Variants in DCAF17 observed in about 807,000 individuals in gnomAD.
DCAF17 encodes DDB1- and CUL4-associated factor 17.
A neutral mutation model predicts 66.0 loss-of-function variants in DCAF17; 48 were observed. The observed-to-expected ratio is 0.73, with a 90% CI of 0.58 to 0.92. The LOEUF (loss-of-function observed/expected upper bound fraction) is 0.92, where lower values mean the gene tolerates loss of function less well. DCAF17 is among the 40% of genes least tolerant of loss of function. The pLI is 0.00. For missense variants in DCAF17, 562 were observed against 622.8 expected (o/e 0.90, Z 1.04); for synonymous variants, 206 against 214.6 (o/e 0.96, Z 0.35).
At chr2:171,475,457 C>T (rs141721824) in intron 10 of DCAF17, among the ~76,000 whole-genome samples, 2 of 152,140 alleles carry the variant, frequency 1.3e-5, no homozygotes, top group Non-Finnish European at 2.9e-5. Flanking sequence ...AGTAGATGCT[C>T]AGTATTTGTT....
chr2:171,455,186 G>A (rs887276628), intron 6 of DCAF17, among the ~76,000 whole-genome samples: 8 of 147,688 alleles, frequency 5.4e-5, no homozygotes, highest in African/African-American at 5.0e-5. Flanking sequence ...TCCCCTCTAT[G>A]TGTCCATGTA....
intron 9 of DCAF17, among the ~76,000 whole-genome samples, chr2:171,470,363 T>C (rs1024355522): frequency 6.6e-6 from 1 of 152,158 alleles, no homozygotes; most frequent in African/African-American, 2.4e-5. Flanking sequence ...CCAGTGGCTT[T>C]TAGAGTCACA....
chr2:171,485,050 CA>C lies in DCAF17; in HGVS notation c.*3938del, dbSNP rs1238992671. On this transcript the variant is annotated 3_prime_UTR_variant, in exon 14 of 14. Transcript: ENST00000375255. Reference sequence around the variant, plus strand: ...TAAAGCTGCTATGAACATTCTTAGACAATTCTTTTGTGAACATGTGTCTTTA... The same window carrying C: ...TAAAGCTGCTATGAACATTCTTAGACATTCTTTTGTGAACATGTGTCTTTA... 1 of 450,426 alleles carries C rather than the reference CA, an allele frequency of 2.2e-6. No homozygotes were observed. Among genetic ancestry groups the C allele is most frequent in the Non-Finnish European group, 4.4e-6 (1 of 226,106 alleles). 27.9% of individuals were successfully genotyped at this position (450,426 alleles called of 1,614,324 possible).
chr2:171,471,905 C>G (rs924343557), intron 9 of DCAF17, among the ~76,000 whole-genome samples: 1 of 151,946 alleles, frequency 6.6e-6, no homozygotes, highest in Non-Finnish European at 1.5e-5. Flanking sequence ...GTCCCAGCTA[C>G]TTGGGAGGCT....
chr2:171,453,166 C>T lies in DCAF17; in HGVS notation c.580C>T (p.Arg194Ter), dbSNP rs1470826074. The T allele has an allele frequency of 2.5e-6, 4 of 1,613,040 alleles. No homozygotes were observed. Among genetic ancestry groups the T allele is most frequent in the Non-Finnish European group, 2.5e-6 (3 of 1,179,522 alleles). ...TGTTTTGCTGTACCTTGCAGTGTTCCGAGTTCTACCTTTTTCACTTGTAGG... is the reference window on the plus strand; with the variant it reads ...TGTTTTGCTGTACCTTGCAGTGTTCTGAGTTCTACCTTTTTCACTTGTAGG... ...QHVLLYLAVF[R>*]VLPFSLVGIL... The change falls in exon 6 of 14, where the codon CGA becomes TGA. Residue 194 changes from arginine to a stop codon, truncating the protein, a stop_gained. Coordinates refer to ENST00000375255, the MANE Select transcript of DCAF17 (RefSeq NM_025000.4). LOFTEE classifies it high-confidence loss of function.
chr2:171,484,642 C>T lies in DCAF17; in HGVS notation c.*3528C>T, dbSNP rs1449613800. 1 of 453,438 alleles carries T rather than the reference C, an allele frequency of 2.2e-6. No homozygotes were observed. The highest frequency in any genetic ancestry group is 2.4e-5 in the Admixed American group (1 of 42,506). The allele number at this position is 453,438 out of a possible 1,614,324, so 28.1% of individuals were successfully genotyped here. A position where few individuals can be genotyped will look rare whatever the true frequency, so the allele number is the denominator to read the frequency against. On this transcript the variant is annotated 3_prime_UTR_variant, in exon 14 of 14. Transcript: ENST00000375255. ...TGTACAAATCTTAAGTATAAATTTA[C>T]TGAGTTCTTGCAGACATATACACCT...
intron 8 of DCAF17, among the ~76,000 whole-genome samples, chr2:171,461,576 A>G (rs889352224): frequency 6.6e-6 from 1 of 152,224 alleles, no homozygotes; most frequent in African/African-American, 2.4e-5. Context: ...TATAATGTAT[A>G]TATTTCTATA....
chr2:171,454,587 A>AC (rs1695140119), intron 6 of DCAF17, among the ~76,000 whole-genome samples: 1 of 151,928 alleles, frequency 6.6e-6, no homozygotes, highest in Admixed American at 6.6e-5. Flanking sequence ...CCTGGCCAGC[A>AC]CTCATTATTT....
In DCAF17 at chr2:171,435,133, A is replaced by G. The variant is rs748899036; in HGVS notation, c.177A>G (p.Ile59Met). 5 of 1,613,644 alleles carry G rather than the reference A, an allele frequency of 3.1e-6. No individual in the cohort carries two copies. The African/African-American group carries it at 6.7e-5, about 22-fold the overall frequency. ...NVWTTHSRSP[I>M]AYERGRIYFD... The stretch of plus-strand genomic sequence containing the variant: ...GGACAACTCATTCCAGGTCACCTAT[A>G]GCCTATGAGAGAGGAAGAATATATT... Residue 59 changes from isoleucine to methionine, a missense_variant, in exon 2 of 14, where the codon ATA becomes ATG. Physicochemically the swap from Ile to Met is conservative, Grantham distance 10. Around this residue, in one of 3 missense-constraint regions of DCAF17, gnomAD observed 348 missense variants for 355.9 expected, o/e 0.98. Transcript: ENST00000375255.
intron 6 of DCAF17, among the ~76,000 whole-genome samples, chr2:171,457,099 G>C (rs1356031453): frequency 6.6e-6 from 1 of 152,124 alleles, no homozygotes; most frequent in Non-Finnish European, 1.5e-5. Flanking sequence ...TTCAAAGTGG[G>C]AAACTAGGAT....
At chr2:171,473,123 C>T (rs1423482974) in intron 9 of DCAF17, among the ~76,000 whole-genome samples, 1 of 152,158 alleles carries the variant, frequency 6.6e-6, no homozygotes, top group Non-Finnish European at 1.5e-5. Flanking sequence ...GATTCTGTGA[C>T]CCATGTCTGA....
rs531533696 is a variant in DCAF17 at position 171,434,328 on chromosome 2, A to G, written c.-250A>G. ...CCGGAGCGTCGCACTGTCAGCGGCC[A>G]GAGAGCCTGGGGCAGATCGAAAAGG... On this transcript the variant is annotated 5_prime_UTR_variant, in exon 1 of 14. Transcript: ENST00000375255. 4.4e-6 allele frequency: 3 copies of G among 677,686 alleles called. No homozygotes were observed. The highest frequency in any genetic ancestry group is 3.6e-5 in the African/African-American group (2 of 56,148). The allele number at this position is 677,686 out of a possible 1,614,324, so 42.0% of individuals were successfully genotyped here. A position where few individuals can be genotyped will look rare whatever the true frequency, so the allele number is the denominator to read the frequency against.
At position 171,468,882 on chromosome 2, in the gene DCAF17, C is replaced by G; in HGVS notation, c.839-6C>G. On this transcript the variant is annotated splice_region_variant and splice_polypyrimidine_tract_variant and intron_variant, in intron 8 of 13. Transcript: ENST00000375255. ...AGCTAATGAATTCCTTTTCCTGTCT[C>G]TACAGACATGCCACCACTGCTCTTT... The G allele has an allele frequency of 1.2e-6, 2 of 1,614,106 alleles. No individual in the cohort carries two copies. Among genetic ancestry groups the G allele is most frequent in the South Asian group, 2.2e-5 (2 of 91,084 alleles).
intron 5 of DCAF17, 129 bp downstream of exon 5, chr2:171,450,086 C>A: frequency 1.3e-6 from 1 of 778,806 alleles, no homozygotes; most frequent in Non-Finnish European, 2.2e-6. Context: ...TTCACGGCAA[C>A]CTGGATGGGA....
chr2:171,459,378 A>T (rs976764555), intron 8 of DCAF17, among the ~76,000 whole-genome samples: 2 of 152,230 alleles, frequency 1.3e-5, no homozygotes, highest in Non-Finnish European at 2.9e-5. Context: ...GAAATAGATC[A>T]TGACTGTTCA....
At chr2:171,436,481 A>G (rs190013277) in intron 2 of DCAF17, among the ~76,000 whole-genome samples, 1 of 152,330 alleles carries the variant, frequency 6.6e-6, no homozygotes, top group African/African-American at 2.4e-5. Flanking sequence ...CATTCTTGTC[A>G]ACACTTGATG....
chr2:171,483,955 A>G lies in DCAF17; in HGVS notation c.*2841A>G, dbSNP rs1013292648. On this transcript the variant is annotated 3_prime_UTR_variant, in exon 14 of 14. Transcript: ENST00000375255. ...TATTTTATCCCAATTTAGCATACCA[A>G]CAACTATAATACTAGATATGTAGGA... 3 of 454,104 alleles carry G rather than the reference A, an allele frequency of 6.6e-6. No individual in the cohort carries two copies. The highest frequency in any genetic ancestry group is 6.9e-4 in the Middle Eastern group (1 of 1,444). The allele number at this position is 454,104 out of a possible 1,614,324, so 28.1% of individuals were successfully genotyped here. A position where few individuals can be genotyped will look rare whatever the true frequency, so the allele number is the denominator to read the frequency against.
chr2:171,437,689 C>T (rs1694052904), intron 2 of DCAF17, among the ~76,000 whole-genome samples: 2 of 152,168 alleles, frequency 1.3e-5, no homozygotes, highest in Non-Finnish European at 2.9e-5. Flanking sequence ...GTTATCCAAA[C>T]TTGTGAGCCT....
At position 171,483,441 on chromosome 2, in the gene DCAF17, A is replaced by G. The variant is rs776654201; in HGVS notation, c.*2327A>G. The G allele has an allele frequency of 4.4e-6, 2 of 454,128 alleles. No homozygotes were observed. Among genetic ancestry groups the G allele is most frequent in the South Asian group, 3.1e-5 (2 of 64,480 alleles). The allele number at this position is 454,128 out of a possible 1,614,324, so 28.1% of individuals were successfully genotyped here. Reference sequence around the variant, plus strand: ...GGTGCATTCTGCATTGCACTCCTGGATCTAAGTTTCTGCATTCTCAGAGCA... The same window carrying G: ...GGTGCATTCTGCATTGCACTCCTGGGTCTAAGTTTCTGCATTCTCAGAGCA... On this transcript the variant is annotated 3_prime_UTR_variant, in exon 14 of 14. Transcript: ENST00000375255.
Sources: gnomAD v4.1 joint callset for allele counts (sites outside exome capture counted in the v4.1 genomes callset) on GRCh38, gnomAD v4.1.1 for gene constraint, gnomAD v4.1.1 regional missense constraint, MANE v1.5 for transcripts, NCBI Gene and HGNC (gene_info 2026-07-23, HGNC 2026-07-21) for gene names.